Variants in ERGIC2 observed in about 807,000 individuals in gnomAD.
ERGIC2 encodes ERGIC and golgi 2.
ERGIC2 carries 31 observed loss-of-function variants against 52.5 expected under a neutral mutation model. That is an observed-to-expected ratio of 0.59 (90% confidence interval 0.44 to 0.80). The LOEUF is 0.80. Ranked by LOEUF, ERGIC2 falls within the 30% of genes least tolerant of loss-of-function variation. The probability of loss-of-function intolerance (pLI) is 0.00; values close to 1 mark genes in which losing one functional copy is unlikely to be tolerated. For synonymous variants in ERGIC2, 129 were observed against 140.6 expected (o/e 0.92, Z 0.58); for missense variants, 395 against 455.2 (o/e 0.87, Z 1.20).
chr12:29,369,126 A>G (rs1246863366), intron 3 of ERGIC2, among the ~76,000 whole-genome samples: 2 of 151,948 alleles, frequency 1.3e-5, no homozygotes, highest in Non-Finnish European at 2.9e-5. Flanking sequence ...TAGAGTTCAA[A>G]CTGTGTTCCA....
intron 6 of ERGIC2, 42 bp from the exon 7 acceptor site, chr12:29,357,766 A>C (rs1258460104): frequency 9.2e-7 from 1 of 1,085,220 alleles, no homozygotes; most frequent in Admixed American, 1.8e-5. Context: ...AAAGGTACAC[A>C]AAGAGAGCTG....
At chr12:29,358,930 G>A (rs12300829) in intron 6 of ERGIC2, among the ~76,000 whole-genome samples, 2 of 151,888 alleles carry the variant, frequency 1.3e-5, no homozygotes, top group Non-Finnish European at 2.9e-5. Flanking sequence ...CTGAAATCTC[G>A]ACATAAAAAG....
At chr12:29,360,311 A>G (rs1027450759) in intron 6 of ERGIC2, among the ~76,000 whole-genome samples, 9 of 151,782 alleles carry the variant, frequency 5.9e-5, no homozygotes, top group African/African-American at 2.2e-4. Context: ...AGAATTCTAA[A>G]AGCAATCTAA....
intron 1 of ERGIC2, among the ~76,000 whole-genome samples, chr12:29,379,147 A>G (rs1374842079): frequency 1.3e-5 from 2 of 152,210 alleles, no homozygotes; most frequent in Non-Finnish European, 2.9e-5. Context: ...AGCAAGGACA[A>G]GTATAATCCT....
rs114580177 is a variant in ERGIC2, at chr12:29,345,556, A to C, written c.728-16T>G. On this transcript the variant is annotated splice_polypyrimidine_tract_variant and intron_variant, in intron 10 of 13. Coordinates refer to ENST00000360150, the MANE Select transcript of ERGIC2 (RefSeq NM_016570.3). ...ATCTGGTTGTCTAGAATACAAAAAA[A>C]ACTTTTTATCAATTCAGTAGCAACA... 1.7e-3 allele frequency: 2,438 copies of C among 1,396,878 alleles called. 38 individuals carry two copies. The African/African-American group carries it at 0.029, about 17-fold the overall frequency. The allele number at this position is 1,396,878 out of a possible 1,614,324, so 86.5% of individuals were successfully genotyped here.
rs1324091917 is a variant in ERGIC2, at chr12:29,338,625, C to A, written c.*2531G>T. 2 of 151,618 alleles carry A rather than the reference C, an allele frequency of 1.3e-5. No homozygotes were observed. The highest frequency in any genetic ancestry group is 2.9e-5 in the Non-Finnish European group (2 of 68,012). The allele number at this position is 151,618 out of a possible 1,614,324, so 9.4% of individuals were successfully genotyped here. A position where few individuals can be genotyped will look rare whatever the true frequency, so the allele number is the denominator to read the frequency against. ...TGCCACTGCACTTCAGCCTGGGCAACAGTGCGAGACCCCATCTCTTAAAAA... is the reference window on the plus strand; with the variant it reads ...TGCCACTGCACTTCAGCCTGGGCAAAAGTGCGAGACCCCATCTCTTAAAAA... On this transcript the variant is annotated 3_prime_UTR_variant, in exon 14 of 14. Transcript: ENST00000360150.
chr12:29,353,096 T>A (rs1385006162), intron 8 of ERGIC2, among the ~76,000 whole-genome samples: 1 of 152,214 alleles, frequency 6.6e-6, no homozygotes, highest in Non-Finnish European at 1.5e-5. Flanking sequence ...TTGTTCTATG[T>A]GTTACCTAGC....
Position 29,339,283 on chromosome 12 carries a change from T to G in ERGIC2, c.*1873A>C, listed in dbSNP as rs374671871. 6.6e-6 allele frequency: 1 copy of G among 152,294 alleles called. No individual in the cohort carries two copies. The highest frequency in any genetic ancestry group is 2.4e-5 in the African/African-American group (1 of 41,570). 9.4% of individuals were successfully genotyped at this position (152,294 alleles called of 1,614,324 possible). A position where few individuals can be genotyped will look rare whatever the true frequency, so the allele number is the denominator to read the frequency against. The stretch of plus-strand genomic sequence containing the variant: ...ATAAGTATCAAAATAATTTTTAAAG[T>G]CCTTTTTAAAGGCACTTAACTGTTC... On this transcript the variant is annotated 3_prime_UTR_variant, in exon 14 of 14. Transcript: ENST00000360150.
intron 13 of ERGIC2, 30 bp downstream of exon 13, chr12:29,341,704 G>C (rs1465317131): frequency 8.9e-7 from 1 of 1,123,400 alleles, no homozygotes; most frequent in Non-Finnish European, 1.4e-6. Context: ...AAGATTTAGA[G>C]ATCAGCACCA....
chr12:29,373,757 A>C (rs1467509709), intron 1 of ERGIC2, among the ~76,000 whole-genome samples: 1 of 152,172 alleles, frequency 6.6e-6, no homozygotes, highest in Non-Finnish European at 1.5e-5. Context: ...TTTCCCATGC[A>C]CTTAGTATTC....
intron 5 of ERGIC2, among the ~76,000 whole-genome samples, chr12:29,364,230 T>TA (rs1444974225): frequency 6.6e-6 from 1 of 152,000 alleles, no homozygotes. Context: ...AAAACATACC[T>TA]ACACATTCTT....
At chr12:29,360,007 C>T (rs11610197) in intron 6 of ERGIC2, among the ~76,000 whole-genome samples, 21,699 of 151,882 alleles carry the variant, frequency 0.14, 1,582 homozygotes, top group Middle Eastern at 0.24. Context: ...AACCTCACAA[C>T]TGATTCATAA....
chr12:29,339,024 A>G lies in ERGIC2; in HGVS notation c.*2132T>C, dbSNP rs1056371517. 13 of 152,154 alleles carry G rather than the reference A, an allele frequency of 8.5e-5. No individual in the cohort carries two copies. The highest frequency in any genetic ancestry group is 3.1e-4 in the African/African-American group (13 of 41,442). 9.4% of individuals were successfully genotyped at this position (152,154 alleles called of 1,614,324 possible). A position where few individuals can be genotyped will look rare whatever the true frequency, so the allele number is the denominator to read the frequency against. Reference sequence around the variant, plus strand: ...TGGTGAGGCCAAAAACTCCTAACAAATCCTAATATGCAGGTAAACTTCATC... The same window carrying G: ...TGGTGAGGCCAAAAACTCCTAACAAGTCCTAATATGCAGGTAAACTTCATC... On this transcript the variant is annotated 3_prime_UTR_variant, in exon 14 of 14. Transcript: ENST00000360150.
At chr12:29,368,695 T>C (rs1392760506) in intron 3 of ERGIC2, among the ~76,000 whole-genome samples, 1 of 151,960 alleles carries the variant, frequency 6.6e-6, no homozygotes, top group Non-Finnish European at 1.5e-5. Flanking sequence ...ATATTAAGCA[T>C]GATGCTAGAT....
chr12:29,362,109 T>G (rs1189874838), intron 5 of ERGIC2, among the ~76,000 whole-genome samples: 1 of 152,182 alleles, frequency 6.6e-6, no homozygotes, highest in Non-Finnish European at 1.5e-5. Context: ...CAACAATTTT[T>G]GAAATGAGTT....
intron 6 of ERGIC2, among the ~76,000 whole-genome samples, chr12:29,361,214 T>C (rs1009378793): frequency 3.3e-5 from 5 of 152,034 alleles, no homozygotes; most frequent in Non-Finnish European, 5.9e-5. Context: ...ATTGCGCCAC[T>C]GTACTCCAGC....
intron 10 of ERGIC2, among the ~76,000 whole-genome samples, chr12:29,347,596 CAG>C (rs1940071861): frequency 4.6e-5 from 7 of 152,122 alleles, no homozygotes; most frequent in Non-Finnish European, 7.4e-5. Flanking sequence ...CTATGAAGGG[CAG>C]GGACTATGTC....
intron 9 of ERGIC2, 79 bp from the exon 10 acceptor site, chr12:29,349,256 C>T (rs1940099639): frequency 9.2e-6 from 5 of 544,834 alleles, no homozygotes; most frequent in Middle Eastern, 3.5e-4. Flanking sequence ...GGTTTACATC[C>T]TTATCTATTC....
intron 8 of ERGIC2, 32 bp downstream of exon 8, chr12:29,356,350 T>A (rs942061189): frequency 2.4e-6 from 3 of 1,272,688 alleles, no homozygotes; most frequent in Admixed American, 1.7e-5. Flanking sequence ...CAACTTTGTC[T>A]AAAGTATTTT....
Sources: allele counts gnomAD v4.1 joint callset (sites outside exome capture counted in the v4.1 genomes callset), GRCh38; gene constraint gnomAD v4.1.1; transcripts MANE v1.5; gene names NCBI Gene and HGNC (gene_info 2026-07-23, HGNC 2026-07-21).